ITGA9: variants seen among roughly 807,000 people sequenced by gnomAD.
ITGA9 encodes the protein integrin alpha-9.
A neutral mutation model predicts 127.8 loss-of-function variants in ITGA9; 56 were observed. That is an observed-to-expected ratio of 0.44 (90% CI 0.35 to 0.55). ITGA9 has a LOEUF of 0.55. ITGA9 is among the 20% of genes least tolerant of loss of function. ITGA9 has a pLI of 0.00. For synonymous variants in ITGA9, 508 were observed against 514.5 expected, an observed-to-expected ratio of 0.99 and a Z score of 0.17; for missense variants, 1,196 against 1,347.1, an observed-to-expected ratio of 0.89 and a Z score of 1.76.
At chr3:37,469,320 G>A (rs1199671229) in intron 1 of ITGA9, among the ~76,000 whole-genome samples, 1 of 152,214 alleles carries the variant, frequency 6.6e-6, no homozygotes, top group East Asian at 1.9e-4. Flanking sequence ...TGGGAGAGAG[G>A]ATACGGTTTA....
rs1346873646 is a variant in ITGA9, at chr3:37,792,286, C to T, written c.2889+7208C>T. 7.9e-5 allele frequency among the ~76,000 whole-genome samples: 12 copies of T among 152,260 alleles called. No homozygotes were observed. The East Asian group carries it at 1.2e-3, about 15-fold the overall frequency. On this transcript the variant is annotated intron_variant, in intron 26 of 27. Transcript: ENST00000264741. ...GGCACTGTGCTAGGCACTGGGGACT[C>T]GATGGGGAACAAAAGAGACATGATC...
intron 1 of ITGA9, among the ~76,000 whole-genome samples, chr3:37,462,409 T>C (rs1034097309): frequency 1.3e-5 from 2 of 152,248 alleles, no homozygotes; most frequent in Admixed American, 1.3e-4. Flanking sequence ...ATAAAAATTA[T>C]TATTGCCAAC....
intron 15 of ITGA9, among the ~76,000 whole-genome samples, chr3:37,624,200 C>CTTTTTTTTTT (rs58307041): frequency 2.3e-5 from 2 of 85,766 alleles, no homozygotes; most frequent in Admixed American, 1.6e-4. Flanking sequence ...AAAAAAAACC[C>CTTTTTTTTTT]TTTTTTTTTT....
At position 37,743,972 on chromosome 3, in the gene ITGA9, G is replaced by A. The variant is rs781492370; in HGVS notation, c.2371G>A (p.Ala791Thr). The A allele has an allele frequency of 6.2e-7, 1 of 1,614,144 alleles. No homozygotes were observed. Among genetic ancestry groups the A allele is most frequent in the Non-Finnish European group, 8.5e-7 (1 of 1,179,966 alleles). ...SFVYGESVDA[A>T]NFIQLDDLEC... The stretch of plus-strand genomic sequence containing the variant: ...TGTATATGGCGAGTCCGTGGACGCA[G>A]CCAACTTCATTCAGCTGGATGACCT... The change falls in exon 22 of 28, where the codon GCC becomes ACC. Residue 791 changes from alanine to threonine, a missense_variant. Physicochemically the swap from Ala to Thr is moderately conservative, Grantham distance 58 (BLOSUM62 0). Transcript: ENST00000264741.
chr3:37,676,830 G>A (rs1486873577), intron 17 of ITGA9, among the ~76,000 whole-genome samples: 1 of 152,160 alleles, frequency 6.6e-6, no homozygotes, highest in Non-Finnish European at 1.5e-5. Flanking sequence ...TGCTAAGAGT[G>A]TCCTTCTCCT....
intron 18 of ITGA9, among the ~76,000 whole-genome samples, chr3:37,684,319 G>C (rs1361056184): frequency 6.6e-6 from 1 of 152,166 alleles, no homozygotes; most frequent in Non-Finnish European, 1.5e-5. Context: ...AGATGATACA[G>C]TTGCTGTCTC....
intron 23 of ITGA9, among the ~76,000 whole-genome samples, chr3:37,770,707 G>T (rs1696832037): frequency 6.6e-6 from 1 of 152,108 alleles, no homozygotes; most frequent in Non-Finnish European, 1.5e-5. Context: ...ATGAAGCAAG[G>T]TCTTGCCAGA....
intron 4 of ITGA9, among the ~76,000 whole-genome samples, chr3:37,489,916 C>A (rs1698650984): frequency 1.3e-5 from 2 of 152,250 alleles, no homozygotes; most frequent in Admixed American, 1.3e-4. Context: ...TGAGAGCACA[C>A]CTGGACAGGG....
intron 14 of ITGA9, among the ~76,000 whole-genome samples, chr3:37,535,538 TG>T (rs1326820507): frequency 3.3e-5 from 5 of 152,190 alleles, no homozygotes; most frequent in African/African-American, 7.2e-5. Flanking sequence ...CCAGAAGTGT[TG>T]GGGTAAAGTG....
At position 37,560,410 on chromosome 3, in the gene ITGA9, A is replaced by G. The variant is rs561242657; in HGVS notation, c.1689+17825A>G. Among the ~76,000 whole-genome samples the G allele has an allele frequency of 2.0e-5, 3 of 152,312 alleles. No homozygotes were observed. The East Asian group carries it at 5.8e-4, about 29-fold the overall frequency. On this transcript the variant is annotated intron_variant, in intron 15 of 27. Transcript: ENST00000264741. The stretch of plus-strand genomic sequence containing the variant: ...TATTGTGAAGAGTGCTCCAATAAAC[A>G]TATGTGTGCATGTGTCTTTATAGTA...
chr3:37,461,887 G>C (rs1329212159), intron 1 of ITGA9, among the ~76,000 whole-genome samples: 4 of 152,146 alleles, frequency 2.6e-5, no homozygotes, highest in Non-Finnish European at 5.9e-5. Context: ...TTGTTATGGG[G>C]AGCTCCAGCT....
intron 19 of ITGA9, chr3:37,733,107 T>C: frequency 2.6e-6 from 1 of 385,744 alleles, no homozygotes; most frequent in Non-Finnish European, 5.0e-6. Flanking sequence ...AAAATAATTT[T>C]TTTTCTGAGA....
intron 23 of ITGA9, among the ~76,000 whole-genome samples, chr3:37,777,147 A>T (rs1696917621): frequency 6.6e-6 from 1 of 152,172 alleles, no homozygotes; most frequent in Non-Finnish European, 1.5e-5. Context: ...GTCACATCTC[A>T]TTTGCATGTT....
At chr3:37,788,740 C>G (rs1355165299) in intron 26 of ITGA9, among the ~76,000 whole-genome samples, 1 of 152,138 alleles carries the variant, frequency 6.6e-6, no homozygotes, top group African/African-American at 2.4e-5. Context: ...TATTTTTTCT[C>G]TCTTTCAACT....
chr3:37,532,029 A>G (rs889181862), intron 13 of ITGA9, among the ~76,000 whole-genome samples: 7 of 152,160 alleles, frequency 4.6e-5, no homozygotes, highest in African/African-American at 1.7e-4. Flanking sequence ...GCACAATCAC[A>G]CTGGCCAGGG....
At chr3:37,698,185 T>C (rs1700906862) in intron 18 of ITGA9, among the ~76,000 whole-genome samples, 1 of 152,216 alleles carries the variant, frequency 6.6e-6, no homozygotes, top group African/African-American at 2.4e-5. Flanking sequence ...TGGCATTGTT[T>C]GTTTTTTTTC....
intron 15 of ITGA9, among the ~76,000 whole-genome samples, chr3:37,613,435 T>C (rs1002822477): frequency 1.3e-5 from 2 of 152,214 alleles, no homozygotes; most frequent in Non-Finnish European, 2.9e-5. Flanking sequence ...CGTGTGCATG[T>C]GTCTTTATAG....
intron 15 of ITGA9, among the ~76,000 whole-genome samples, chr3:37,621,554 A>G (rs1465493584): frequency 4.6e-5 from 7 of 152,208 alleles, no homozygotes; most frequent in African/African-American, 1.7e-4. Flanking sequence ...AGCCACAGTT[A>G]ACACCCCAGC....
chr3:37,668,375 G>GCCAT (rs1264092267), intron 17 of ITGA9, among the ~76,000 whole-genome samples: 1 of 152,190 alleles, frequency 6.6e-6, no homozygotes, highest in East Asian at 1.9e-4. Flanking sequence ...TCCAAACATA[G>GCCAT]CCATCCATTG....
Sources: allele counts gnomAD v4.1 joint callset (sites outside exome capture counted in the v4.1 genomes callset), GRCh38; gene constraint gnomAD v4.1.1; transcripts MANE v1.5; gene names NCBI Gene and HGNC (gene_info 2026-07-23, HGNC 2026-07-21).